DSG4: variants seen among roughly 807,000 people sequenced by gnomAD.
The protein encoded by DSG4 is desmoglein-4.
In DSG4, 87 loss-of-function variants were observed where a neutral mutation model predicts 93.1. The observed-to-expected ratio is 0.93, with a 90% CI of 0.79 to 1.12. The LOEUF is 1.12. Ranked by LOEUF, DSG4 falls within the 50% of genes most tolerant of loss-of-function variation. DSG4 has a pLI of 0.00. For missense variants in DSG4, 1,373 were observed against 1,285.7 expected, an observed-to-expected ratio of 1.07 and a Z score of -1.04; for synonymous variants, 432 against 452.9, an observed-to-expected ratio of 0.95 and a Z score of 0.59.
chr18:31,411,107 C>A, intron 14 of DSG4, 124 bp from the exon 15 acceptor site: 2 of 1,597,258 alleles, frequency 1.3e-6, no homozygotes, highest in South Asian at 2.2e-5. Context: ...CTCTCTTTGT[C>A]AGCTTTTTAG....
At chr18:31,397,773 T>A (rs1193899576) in intron 8 of DSG4, among the ~76,000 whole-genome samples, 1 of 152,138 alleles carries the variant, frequency 6.6e-6, no homozygotes, top group East Asian at 1.9e-4. Context: ...ATGCCTGTAA[T>A]CCCAGCTCTT....
At position 31,399,499 on chromosome 18, in the gene DSG4, T is replaced by C. The variant is rs1037432380; in HGVS notation, c.1233T>C (p.Tyr411=). Residue 411 remains tyrosine (Y), a synonymous_variant, in exon 9 of 16, where the codon TAT becomes TAC. Coordinates refer to ENST00000308128, the MANE Select transcript of DSG4 (RefSeq NM_177986.5). Reference sequence around the variant, plus strand: ...TATTGAATTATGTGCTTGGCACATATACAGCCATAGATTTGGACACAGGAA... The same window carrying C: ...TATTGAATTATGTGCTTGGCACATACACAGCCATAGATTTGGACACAGGAA... ...SSLLNYVLGT[Y]TAIDLDTGNP... 2.5e-6 allele frequency: 4 copies of C among 1,614,062 alleles called. No homozygotes were observed. The highest frequency in any genetic ancestry group is 3.4e-6 in the Non-Finnish European group (4 of 1,179,934).
rs533147547 is a variant in DSG4, at chr18:31,400,561, T to C, written c.1278-320T>C. Among the ~76,000 whole-genome samples the C allele has an allele frequency of 2.6e-5, 4 of 152,248 alleles. No individual in the cohort carries two copies. The South Asian group carries it at 8.3e-4, about 32-fold the overall frequency. On this transcript the variant is annotated intron_variant, in intron 9 of 15. Coordinates refer to ENST00000308128, the MANE Select transcript of DSG4 (RefSeq NM_177986.5). ...TACAAAAATAAATAAGCAATATGTGTTTCTGAAAATGAATAAAGGATGTTT... is the reference window on the plus strand; with the variant it reads ...TACAAAAATAAATAAGCAATATGTGCTTCTGAAAATGAATAAAGGATGTTT...
rs748792251 is a variant in DSG4, at chr18:31,406,243, G to A, written c.1803G>A (p.Ala601=). The change falls in exon 12 of 16, where the codon GCG becomes GCA. Residue 601 remains alanine, a synonymous_variant. Coordinates refer to ENST00000308128, the MANE Select transcript of DSG4 (RefSeq NM_177986.5). ...DNHMCLDSGA[A]GIYTEDITGD... ...ACATGTGCCTGGACTCTGGTGCCGC[G>A]GGCATCTACACAGAGGACATAACTG... The A allele has an allele frequency of 1.9e-5, 30 of 1,613,452 alleles. No homozygotes were observed. The highest frequency in any genetic ancestry group is 1.1e-4 in the East Asian group (5 of 44,814).
rs2072527562 is a variant in DSG4, at chr18:31,413,866, A to G, written c.*271A>G. The G allele has an allele frequency of 5.2e-6, 2 of 387,198 alleles. No homozygotes were observed. The allele number at this position is 387,198 out of a possible 1,614,324, so 24.0% of individuals were successfully genotyped here. A position where few individuals can be genotyped will look rare whatever the true frequency, so the allele number is the denominator to read the frequency against. On this transcript the variant is annotated 3_prime_UTR_variant, in exon 16 of 16. Transcript: ENST00000308128. The stretch of plus-strand genomic sequence containing the variant: ...CCCTTGATACTGTCTAACGAATAGC[A>G]CATAACTCATATTGTGAATCCTATG...
At chr18:31,402,998 G>C (rs1309859269) in intron 10 of DSG4, among the ~76,000 whole-genome samples, 2 of 152,112 alleles carry the variant, frequency 1.3e-5, no homozygotes, top group Non-Finnish European at 2.9e-5. Flanking sequence ...ACAGGACTCA[G>C]TGAGCATCCT....
chr18:31,386,632 C>G, intron 2 of DSG4, 56 bp from the exon 3 acceptor site: 1 of 1,606,552 alleles, frequency 6.2e-7, no homozygotes, highest in East Asian at 2.2e-5. Flanking sequence ...AATAAATGTC[C>G]TTTCTAAGTA....
chr18:31,407,613 T>G (rs2072441958), intron 12 of DSG4, among the ~76,000 whole-genome samples: 1 of 152,216 alleles, frequency 6.6e-6, no homozygotes, highest in African/African-American at 2.4e-5. Context: ...GTTGCTGTTT[T>G]CAGGGATGAG....
At chr18:31,389,142 A>G (rs1056218875) in intron 5 of DSG4, 124 bp downstream of exon 5, 1 of 1,044,424 alleles carries the variant, frequency 9.6e-7, no homozygotes, top group Admixed American at 2.2e-5. Flanking sequence ...TTTTGAATAA[A>G]CCCCACATAT....
chr18:31,411,445 G>C lies in DSG4; in HGVS notation c.2352G>C (p.Ser784=). The C allele has an allele frequency of 6.8e-6, 11 of 1,612,158 alleles. No homozygotes were observed. Among genetic ancestry groups the C allele is most frequent in the Non-Finnish European group, 9.3e-6 (11 of 1,179,982 alleles). The part of the protein sequence containing the change: ...INMAFLDSYF[S]EKAYAYADED... The stretch of plus-strand genomic sequence containing the variant: ...TGGCTTTCTTGGACAGCTACTTCTC[G>C]GAGGTAATGCCCTCACAGTCACACA... The change falls in exon 15 of 16, where the codon TCG becomes TCC. Residue 784 remains serine (S), a synonymous_variant. Coordinates refer to ENST00000308128, the MANE Select transcript of DSG4 (RefSeq NM_177986.5).
rs569043658 is a variant in DSG4 at position 31,379,961 on chromosome 18, C to T, written c.48+3002C>T. On this transcript the variant is annotated intron_variant, in intron 1 of 15. Coordinates refer to ENST00000308128, the MANE Select transcript of DSG4 (RefSeq NM_177986.5). ...ATTACAGAAAGAATGTACTCATCACCGCAAAGGTTACATCGAAGCAAATCT... is the reference window on the plus strand; with the variant it reads ...ATTACAGAAAGAATGTACTCATCACTGCAAAGGTTACATCGAAGCAAATCT... 2.0e-3 allele frequency among the ~76,000 whole-genome samples: 306 copies of T among 152,188 alleles called. 1 individual carries two copies. The highest frequency in any genetic ancestry group is 6.8e-3 in the African/African-American group (283 of 41,522).
At chr18:31,397,534 C>T (rs771954079) in intron 8 of DSG4, among the ~76,000 whole-genome samples, 1 of 152,072 alleles carries the variant, frequency 6.6e-6, no homozygotes, top group Non-Finnish European at 1.5e-5. Flanking sequence ...TTTGGCTTTC[C>T]TCCAAGAGGA....
At position 31,406,341 on chromosome 18, in the gene DSG4, G is replaced by T. The variant is rs142245695; in HGVS notation, c.1901G>T (p.Gly634Val). 2 of 1,614,180 alleles carry T rather than the reference G, an allele frequency of 1.2e-6. No individual in the cohort carries two copies. The highest frequency in any genetic ancestry group is 1.7e-6 in the Non-Finnish European group (2 of 1,180,036). ...GTTGGTCTTGGACCAGCAGGGATTG[G>T]CATGATGGTTCTGGGCATCCTGCTA... ...SNVGLGPAGI[G>V]MMVLGILLLI... The change falls in exon 12 of 16, where the codon GGC (glycine) becomes GTC (valine). Residue 634 changes from glycine to valine, a missense_variant. Physicochemically the swap from Gly to Val is moderately radical, Grantham distance 109. Transcript: ENST00000308128.
intron 2 of DSG4, 149 bp from the exon 3 acceptor site, chr18:31,386,539 T>C: frequency 8.7e-7 from 1 of 1,152,644 alleles, no homozygotes; most frequent in South Asian, 1.3e-5. Context: ...TATCTATCTA[T>C]CCAGAGTTGT....
intron 1 of DSG4, among the ~76,000 whole-genome samples, chr18:31,382,821 C>T (rs997946491): frequency 1.4e-4 from 21 of 152,120 alleles, no homozygotes; most frequent in African/African-American, 4.6e-4. Flanking sequence ...GATGAAAACC[C>T]TGGGTCCTAG....
chr18:31,385,219 C>G (rs1568061504), intron 2 of DSG4, 48 bp downstream of exon 2: 1 of 1,348,358 alleles, frequency 7.4e-7, no homozygotes, highest in African/African-American at 1.5e-5. Context: ...AAAACAAAAA[C>G]TGAATTTTGT....
chr18:31,388,950 T>C lies in DSG4; in HGVS notation c.449T>C (p.Ile150Thr). 1 of 1,613,624 alleles carries C rather than the reference T, an allele frequency of 6.2e-7. No homozygotes were observed. Among genetic ancestry groups the C allele is most frequent in the Non-Finnish European group, 8.5e-7 (1 of 1,179,660 alleles). The change falls in exon 5 of 16, where the codon ATA becomes ACA. Residue 150 changes from isoleucine to threonine, a missense_variant. By Grantham distance (89) the Ile-to-Thr change is moderately conservative. Transcript: ENST00000308128. ...PLELRVKVMDINDNAPVFSQS... is the reference protein window; with the variant it reads ...PLELRVKVMDTNDNAPVFSQS... ...GAGCTTAGAGTCAAAGTTATGGACA[T>C]AAATGATAACGCTCCAGTCTTTTCG...
At position 31,387,817 on chromosome 18, in the gene DSG4, C is replaced by G. The variant is rs376504822; in HGVS notation, c.217-550C>G. Among the ~76,000 whole-genome samples, 436 of 152,164 alleles carry G rather than the reference C, an allele frequency of 2.9e-3. 2 individuals carry two copies. Among genetic ancestry groups the G allele is most frequent in the African/African-American group, 0.01 (417 of 41,532 alleles). On this transcript the variant is annotated intron_variant, in intron 3 of 15. Coordinates refer to ENST00000308128, the MANE Select transcript of DSG4 (RefSeq NM_177986.5). ...TTATCAGCAATAGGTAATAAAGCTA[C>G]TAAAGCAAAATCTGTGTGGCAGAAT...
chr18:31,388,996 C>T lies in DSG4; in HGVS notation c.495C>T (p.Ser165=), dbSNP rs9956865. ...PVFSQSVYTA[S]IEENSDANTL... ...TTTCGCAAAGTGTATACACAGCCAGCATTGAAGAAAATAGTGATGCCAGTA... is the reference window on the plus strand; with the variant it reads ...TTTCGCAAAGTGTATACACAGCCAGTATTGAAGAAAATAGTGATGCCAGTA... The change falls in exon 5 of 16, where the codon AGC becomes AGT. Residue 165 remains serine, a synonymous_variant. Coordinates refer to ENST00000308128, the MANE Select transcript of DSG4 (RefSeq NM_177986.5). 0.76 allele frequency: 1,226,942 copies of T among 1,611,094 alleles called. 469,938 individuals carry two copies. The highest frequency in any genetic ancestry group is 0.96 in the East Asian group (43,212 of 44,836).
Sources: allele counts gnomAD v4.1 joint callset (sites outside exome capture counted in the v4.1 genomes callset), GRCh38; gene constraint gnomAD v4.1.1; transcripts MANE v1.5; gene names NCBI Gene and HGNC (gene_info 2026-07-23, HGNC 2026-07-21).